Variants in DLG2 observed in about 807,000 individuals in gnomAD.
DLG2 encodes the protein disks large homolog 2.
In DLG2, 45 loss-of-function variants were observed where a neutral mutation model predicts 132.5. The observed-to-expected ratio is 0.34, with a 90% CI of 0.27 to 0.44. The LOEUF is 0.44. DLG2 is among the 20% of genes least tolerant of loss of function. The pLI is 1.00. For synonymous variants in DLG2, 424 were observed against 419.6 expected, an observed-to-expected ratio of 1.01 and a Z score of -0.13; for missense variants, 1,045 against 1,196.9, an observed-to-expected ratio of 0.87 and a Z score of 1.87.
chr11:84,242,651 C>T (rs1019381369), intron 8 of DLG2, among the ~76,000 whole-genome samples: 1 of 152,086 alleles, frequency 6.6e-6, no homozygotes, highest in Non-Finnish European at 1.5e-5. Flanking sequence ...GGTAATTTGC[C>T]CACCTCGGCC....
intron 9 of DLG2, among the ~76,000 whole-genome samples, chr11:84,161,695 G>T (rs998401049): frequency 3.3e-5 from 5 of 152,160 alleles, no homozygotes; most frequent in African/African-American, 1.2e-4. Flanking sequence ...CATTGGATAA[G>T]GAAAAAGGAG....
At chr11:84,316,880 T>C (rs1189990691) in intron 7 of DLG2, 1 of 1,612,868 alleles carries the variant, frequency 6.2e-7, no homozygotes. Flanking sequence ...ACAAGTCCCT[T>C]TGCCCTTGGT....
chr11:84,769,933 G>T (rs1241149696), intron 6 of DLG2, among the ~76,000 whole-genome samples: 7 of 152,174 alleles, frequency 4.6e-5, no homozygotes, highest in African/African-American at 9.7e-5. Context: ...AAGTGAATTT[G>T]TTACCATAAG....
chr11:84,182,841 G>C (rs1057207286), intron 8 of DLG2, among the ~76,000 whole-genome samples: 1 of 151,604 alleles, frequency 6.6e-6, no homozygotes, highest in Non-Finnish European at 1.5e-5. Flanking sequence ...AAATTGATAA[G>C]CCTCTAGCTA....
At chr11:83,820,181 C>A (rs1314461942) in intron 17 of DLG2, among the ~76,000 whole-genome samples, 1 of 152,028 alleles carries the variant, frequency 6.6e-6, no homozygotes, top group Non-Finnish European at 1.5e-5. Flanking sequence ...CCAGTCACTA[C>A]ATATTATTTA....
At chr11:84,524,133 T>A (rs1371810474) in intron 7 of DLG2, among the ~76,000 whole-genome samples, 1 of 152,164 alleles carries the variant, frequency 6.6e-6, no homozygotes, top group East Asian at 1.9e-4. Context: ...AAAAATATCA[T>A]AATGCTTTAA....
intron 8 of DLG2, among the ~76,000 whole-genome samples, chr11:84,192,160 C>A (rs2096422136): frequency 6.6e-6 from 1 of 152,046 alleles, no homozygotes; most frequent in East Asian, 1.9e-4. Context: ...ATATTCTCCA[C>A]CCCAAGGTAA....
chr11:84,428,842 A>G (rs1330066638), intron 7 of DLG2, among the ~76,000 whole-genome samples: 7 of 152,164 alleles, frequency 4.6e-5, no homozygotes, highest in Non-Finnish European at 1.0e-4. Flanking sequence ...TTCATCCTCA[A>G]CTATAAGCTT....
intron 6 of DLG2, among the ~76,000 whole-genome samples, chr11:84,714,682 CG>C (rs2061004372): frequency 1.4e-5 from 2 of 144,890 alleles, no homozygotes; most frequent in Non-Finnish European, 3.0e-5. Context: ...TCTGCCTCCC[CG>C]CCCCACCCAA....
At position 84,642,092 on chromosome 11, in the gene DLG2, A is replaced by AGTGT. The variant is rs34226746; in HGVS notation, c.358-107365_358-107362dup. On this transcript the variant is annotated intron_variant, in intron 6 of 27. Coordinates refer to ENST00000376104, the MANE Select transcript of DLG2 (RefSeq NM_001142699.3). ...TGTGTGTGTGTGTGTGTATATGTAG[A>AGTGT]GTGTGTGTGTGTGTGTATATGTAGA... 9.2e-3 allele frequency among the ~76,000 whole-genome samples: 1,276 copies of AGTGT among 139,184 alleles called. 13 individuals carry two copies. Among genetic ancestry groups the AGTGT allele is most frequent in the South Asian group, 0.015 (61 of 4,160 alleles). 91.3% of individuals were successfully genotyped at this position (139,184 alleles called of 152,430 possible). A position where few individuals can be genotyped will look rare whatever the true frequency, so the allele number is the denominator to read the frequency against.
chr11:84,992,651 A>G (rs974348053), intron 6 of DLG2, among the ~76,000 whole-genome samples: 1 of 152,162 alleles, frequency 6.6e-6, no homozygotes, highest in African/African-American at 2.4e-5. Context: ...ACCAGTGATG[A>G]TGAGCTTTTT....
chr11:85,384,726 C>G (rs936734090), intron 3 of DLG2, among the ~76,000 whole-genome samples: 10 of 152,076 alleles, frequency 6.6e-5, no homozygotes, highest in African/African-American at 2.4e-4. Context: ...TGCCACCATG[C>G]TGGGCTAAGT....
intron 6 of DLG2, among the ~76,000 whole-genome samples, chr11:84,784,691 G>C (rs891782123): frequency 6.6e-6 from 1 of 151,854 alleles, no homozygotes; most frequent in African/African-American, 2.4e-5. Context: ...TCATGAAATA[G>C]TTAATGAAGA....
chr11:84,948,218 C>A (rs1298175578), intron 6 of DLG2, among the ~76,000 whole-genome samples: 1 of 152,222 alleles, frequency 6.6e-6, no homozygotes, highest in African/African-American at 2.4e-5. Flanking sequence ...CCATAGCAGA[C>A]TAACTTCTGT....
intron 9 of DLG2, among the ~76,000 whole-genome samples, chr11:84,152,581 T>C (rs2095326917): frequency 6.6e-6 from 1 of 151,942 alleles, no homozygotes; most frequent in Non-Finnish European, 1.5e-5. Context: ...AGAGATGGGG[T>C]TTCTCCATGT....
chr11:84,482,693 T>C (rs1190370984), intron 7 of DLG2, among the ~76,000 whole-genome samples: 1 of 152,208 alleles, frequency 6.6e-6, no homozygotes, highest in Non-Finnish European at 1.5e-5. Context: ...CTGCTTCATA[T>C]TATTTGGGCC....
chr11:84,834,160 TAGC>T (rs1434019597), intron 6 of DLG2, among the ~76,000 whole-genome samples: 4 of 151,708 alleles, frequency 2.6e-5, no homozygotes, highest in African/African-American at 9.7e-5. Flanking sequence ...CCATTTCAAA[TAGC>T]AGTTTTTACT....
At chr11:84,171,670 G>A (rs1462950592) in intron 8 of DLG2, among the ~76,000 whole-genome samples, 1 of 152,128 alleles carries the variant, frequency 6.6e-6, no homozygotes, top group Non-Finnish European at 1.5e-5. Flanking sequence ...TGTGAATAGA[G>A]CTGCAATAAA....
intron 6 of DLG2, among the ~76,000 whole-genome samples, chr11:84,880,278 C>G (rs565374970): frequency 6.6e-6 from 1 of 152,182 alleles, no homozygotes; most frequent in South Asian, 2.1e-4. Context: ...ACAGAGCCAG[C>G]CTTCATTGGA....
Sources: gnomAD v4.1 joint callset for allele counts (sites outside exome capture counted in the v4.1 genomes callset) on GRCh38, gnomAD v4.1.1 for gene constraint, MANE v1.5 for transcripts, NCBI Gene and HGNC (gene_info 2026-07-23, HGNC 2026-07-21) for gene names.